ATP5PB: variants seen among roughly 807,000 people sequenced by gnomAD.
ATP5PB encodes ATP synthase peripheral stalk subunit b, mitochondrial.
A neutral mutation model predicts 34.5 loss-of-function variants in ATP5PB; 21 were observed. The ratio of observed to expected loss-of-function variants is 0.61; its 90% CI spans 0.43 to 0.88. The LOEUF (loss-of-function observed/expected upper bound fraction) is 0.88, where lower values mean the gene tolerates loss of function less well. ATP5PB is among the 40% of genes least tolerant of loss of function. The pLI, the probability that ATP5PB is intolerant of heterozygous loss-of-function variation, is 0.00. For synonymous variants in ATP5PB, 108 were observed against 114.1 expected, an observed-to-expected ratio of 0.95 and a Z score of 0.34; for missense variants, 293 against 317.4, an observed-to-expected ratio of 0.92 and a Z score of 0.58.
rs1653238794 is a variant in ATP5PB at position 111,449,514 on chromosome 1, A to G, written c.-28A>G. ...CTCCTATCGGGGTCACAGGGACGCT[A>G]AGATTGCTACCTGGACTTTCGTTGA... On this transcript the variant is annotated 5_prime_UTR_variant, in exon 1 of 7. Coordinates refer to ENST00000369722, the MANE Select transcript of ATP5PB (RefSeq NM_001688.5). 6.2e-7 allele frequency: 1 copy of G among 1,613,962 alleles called. No individual in the cohort carries two copies. The highest frequency in any genetic ancestry group is 8.5e-7 in the Non-Finnish European group (1 of 1,180,014).
In ATP5PB at chr1:111,449,590, T is replaced by C. The variant is rs192672422; in HGVS notation, c.40+9T>C. 1,091 of 1,600,496 alleles carry C rather than the reference T, an allele frequency of 6.8e-4. 6 individuals are homozygous for C. In the African/African-American group the frequency reaches 0.013, roughly 19 times the overall value. ...CGCCGCCGCCACAGCGGGTAAGGGGTATAGACCCTGCTCTGGACTATCAGA... is the reference window on the plus strand; with the variant it reads ...CGCCGCCGCCACAGCGGGTAAGGGGCATAGACCCTGCTCTGGACTATCAGA... On this transcript the variant is annotated intron_variant, in intron 1 of 6. Transcript: ENST00000369722.
intron 5 of ATP5PB, among the ~76,000 whole-genome samples, chr1:111,459,125 G>T (rs1336059046): frequency 6.6e-6 from 1 of 152,168 alleles, no homozygotes; most frequent in African/African-American, 2.4e-5. Context: ...AGGTAGGTTT[G>T]TGTGTCATAA....
intron 5 of ATP5PB, among the ~76,000 whole-genome samples, chr1:111,457,248 G>A (rs1432809033): frequency 1.3e-5 from 2 of 151,990 alleles, no homozygotes; most frequent in Non-Finnish European, 2.9e-5. Context: ...AGGAGGTCAA[G>A]GCTGGAGTTA....
intron 2 of ATP5PB, 88 bp downstream of exon 2, chr1:111,449,961 C>A: frequency 6.4e-7 from 1 of 1,550,772 alleles, no homozygotes; most frequent in South Asian, 1.1e-5. Flanking sequence ...AGCTTTAGGT[C>A]AGAAATTTCT....
At chr1:111,458,339 A>G (rs376899025) in intron 5 of ATP5PB, among the ~76,000 whole-genome samples, 7 of 152,314 alleles carry the variant, frequency 4.6e-5, no homozygotes, top group South Asian at 2.1e-4. Context: ...CCCTTTCTAC[A>G]AAATTGCAGG....
chr1:111,456,594 T>C lies in ATP5PB; in HGVS notation c.388-36T>C, dbSNP rs764976400. The C allele has an allele frequency of 1.9e-6, 3 of 1,599,652 alleles. No individual in the cohort carries two copies. The African/African-American group carries it at 4.0e-5, about 22-fold the overall frequency. On this transcript the variant is annotated intron_variant, in intron 4 of 6. Coordinates refer to ENST00000369722, the MANE Select transcript of ATP5PB (RefSeq NM_001688.5). Reference sequence around the variant, plus strand: ...AATCTCCTTTTTTTACCCTTTGTGCTTTCACTGATCTTTGTTGTTGCTATC... The same window carrying C: ...AATCTCCTTTTTTTACCCTTTGTGCCTTCACTGATCTTTGTTGTTGCTATC...
intron 6 of ATP5PB, 88 bp from the exon 7 acceptor site, chr1:111,460,829 G>C: frequency 9.1e-7 from 1 of 1,093,494 alleles, no homozygotes; most frequent in South Asian, 1.3e-5. Flanking sequence ...GGTCTGGTAG[G>C]AGGTGTCTTT....
chr1:111,457,891 C>T (rs1250802192), intron 5 of ATP5PB, among the ~76,000 whole-genome samples: 1 of 152,218 alleles, frequency 6.6e-6, no homozygotes, highest in Non-Finnish European at 1.5e-5. Flanking sequence ...AGTATATACA[C>T]ACACGTGAAT....
chr1:111,450,191 C>T (rs1404347803), intron 2 of ATP5PB, among the ~76,000 whole-genome samples: 3 of 152,190 alleles, frequency 2.0e-5, no homozygotes, highest in Non-Finnish European at 4.4e-5. Context: ...CAGCCTGAAT[C>T]CGAGTAGATG....
intron 5 of ATP5PB, among the ~76,000 whole-genome samples, chr1:111,458,574 G>C (rs753059853): frequency 6.6e-6 from 1 of 151,628 alleles, no homozygotes; most frequent in Non-Finnish European, 1.5e-5. Flanking sequence ...GGTCGGGGGA[G>C]AATAAAAGGA....
intron 2 of ATP5PB, among the ~76,000 whole-genome samples, chr1:111,450,129 C>T (rs1269619284): frequency 6.6e-6 from 1 of 152,144 alleles, no homozygotes; most frequent in Admixed American, 6.5e-5. Flanking sequence ...CTTCTATACC[C>T]GCCCTACTCC....
chr1:111,457,219 A>G (rs1653497487), intron 5 of ATP5PB, among the ~76,000 whole-genome samples: 1 of 152,138 alleles, frequency 6.6e-6, no homozygotes, highest in African/African-American at 2.4e-5. Flanking sequence ...AGGGTGAGGC[A>G]GCAGGACTGC....
chr1:111,456,832 A>G (rs1040295903), intron 5 of ATP5PB, 77 bp downstream of exon 5: 24 of 1,457,782 alleles, frequency 1.6e-5, no homozygotes, highest in Non-Finnish European at 2.2e-5. Flanking sequence ...TTTTATGAAG[A>G]ATGGTTAAAT....
At chr1:111,457,519 G>T (rs1484892179) in intron 5 of ATP5PB, among the ~76,000 whole-genome samples, 4 of 152,114 alleles carry the variant, frequency 2.6e-5, no homozygotes, top group African/African-American at 9.7e-5. Flanking sequence ...CTGTTATGTT[G>T]AAGTTTTATA....
intron 5 of ATP5PB, 136 bp downstream of exon 5, chr1:111,456,891 G>A: frequency 1.9e-6 from 2 of 1,075,418 alleles, no homozygotes; most frequent in South Asian, 2.9e-5. Context: ...GTAGGAGTTG[G>A]CATTCACGGC....
At chr1:111,451,941 A>G (rs1015004991) in intron 2 of ATP5PB, among the ~76,000 whole-genome samples, 7 of 152,136 alleles carry the variant, frequency 4.6e-5, no homozygotes, top group Non-Finnish European at 1.0e-4. Context: ...CAAAAACAAA[A>G]CAACAAAAAT....
chr1:111,449,823 T>C lies in ATP5PB; in HGVS notation c.41-14T>C. ...TCATTTGACTTTGCTGACCTTCGCCTTGTCTATCTGCAGCCCCCTCTCTGA... is the reference window on the plus strand; with the variant it reads ...TCATTTGACTTTGCTGACCTTCGCCCTGTCTATCTGCAGCCCCCTCTCTGA... On this transcript the variant is annotated splice_polypyrimidine_tract_variant and intron_variant, in intron 1 of 6. Coordinates refer to ENST00000369722, the MANE Select transcript of ATP5PB (RefSeq NM_001688.5). 1 of 1,614,198 alleles carries C rather than the reference T, an allele frequency of 6.2e-7. No homozygotes were observed. The highest frequency in any genetic ancestry group is 8.5e-7 in the Non-Finnish European group (1 of 1,180,026).
At position 111,462,619 on chromosome 1, in the gene ATP5PB, A is replaced by G. The variant is rs982430361; in HGVS notation, c.*1625A>G. On this transcript the variant is annotated 3_prime_UTR_variant, in exon 7 of 7. Coordinates refer to ENST00000369722, the MANE Select transcript of ATP5PB (RefSeq NM_001688.5). Reference sequence around the variant, plus strand: ...TCATGGGTAATTGCTATTTTCATTGACTTCCTAAGATTTTATGTAATAATC... The same window carrying G: ...TCATGGGTAATTGCTATTTTCATTGGCTTCCTAAGATTTTATGTAATAATC... 6.6e-6 allele frequency: 1 copy of G among 152,216 alleles called. No individual in the cohort carries two copies. Among genetic ancestry groups the G allele is most frequent in the Non-Finnish European group, 1.5e-5 (1 of 68,032 alleles). The allele number at this position is 152,216 out of a possible 1,614,324, so 9.4% of individuals were successfully genotyped here. A position where few individuals can be genotyped will look rare whatever the true frequency, so the allele number is the denominator to read the frequency against.
intron 6 of ATP5PB, among the ~76,000 whole-genome samples, 180 bp downstream of exon 6, chr1:111,459,816 G>C (rs1653568252): frequency 6.6e-6 from 1 of 152,124 alleles, no homozygotes; most frequent in South Asian, 2.1e-4. Context: ...TGTCAGGATG[G>C]CTTTTCTCTT....
Sources: gnomAD v4.1 joint callset for allele counts (sites outside exome capture counted in the v4.1 genomes callset) on GRCh38, gnomAD v4.1.1 for gene constraint, MANE v1.5 for transcripts, NCBI Gene and HGNC (gene_info 2026-07-23, HGNC 2026-07-21) for gene names.